The following METTL16 variants were observed in gnomAD, a reference collection of about 807,000 sequenced individuals.
The protein encoded by METTL16 is RNA N(6)-adenosine-methyltransferase METTL16.
Under a neutral mutation model 57.9 loss-of-function variants are expected in METTL16, and 19 were observed. The observed-to-expected ratio is 0.33, with a 90% CI of 0.23 to 0.48. METTL16 has a LOEUF of 0.48. METTL16 is among the 20% of genes least tolerant of loss of function. METTL16 has a pLI of 0.99. For synonymous variants in METTL16, 246 were observed against 255.6 expected, an observed-to-expected ratio of 0.96 and a Z score of 0.36; for missense variants, 434 against 691.5, an observed-to-expected ratio of 0.63 and a Z score of 4.18.
chr17:2,431,295 C>A (rs946715419), intron 8 of METTL16, among the ~76,000 whole-genome samples: 29 of 152,152 alleles, frequency 1.9e-4, no homozygotes, highest in African/African-American at 6.8e-4. Flanking sequence ...GTTGTGAAGG[C>A]AGGTTCATTC....
intron 2 of METTL16, among the ~76,000 whole-genome samples, chr17:2,494,458 T>C (rs1278521554): frequency 6.6e-6 from 1 of 152,234 alleles, no homozygotes; most frequent in African/African-American, 2.4e-5. Flanking sequence ...ATTTTTCTAA[T>C]AGCACGTGCC....
chr17:2,499,364 T>C (rs1418295386), intron 2 of METTL16, among the ~76,000 whole-genome samples: 1 of 150,022 alleles, frequency 6.7e-6, no homozygotes, highest in Non-Finnish European at 1.5e-5. Context: ...TTACAGGATT[T>C]CGCTATGTTG....
intron 8 of METTL16, among the ~76,000 whole-genome samples, chr17:2,430,412 C>CTTTTTTT (rs903960118): frequency 1.7e-5 from 2 of 118,496 alleles, no homozygotes; most frequent in African/African-American, 3.3e-5. Flanking sequence ...TTAGAATTCT[C>CTTTTTTT]TTTTTTTTTT....
chr17:2,415,994 A>C (rs1466705286), downstream of METTL16: 1 of 152,230 alleles, frequency 6.6e-6, no homozygotes, highest in East Asian at 1.9e-4. Context: ...GGACCATTAA[A>C]AAAACATTAA....
chr17:2,471,146 C>G (rs941212243), intron 4 of METTL16, among the ~76,000 whole-genome samples: 11 of 152,158 alleles, frequency 7.2e-5, no homozygotes, highest in African/African-American at 2.7e-4. Flanking sequence ...CAAAACAGAT[C>G]ACAGACCTAA....
chr17:2,449,959 G>A (rs1255656598), intron 6 of METTL16, among the ~76,000 whole-genome samples: 1 of 152,182 alleles, frequency 6.6e-6, no homozygotes, highest in South Asian at 2.1e-4. Context: ...CTACCCGTTA[G>A]AACAGATACA....
At chr17:2,468,923 GTGTGT>G (rs1567896714) in intron 4 of METTL16, among the ~76,000 whole-genome samples, 2 of 150,820 alleles carry the variant, frequency 1.3e-5, no homozygotes, top group Non-Finnish European at 3.0e-5. Context: ...TGTTGTGTGT[GTGTGT>G]TTTTTTTTTC....
rs760521188 is a variant in METTL16, at chr17:2,440,970, CAAAAAAAAA to C, written c.798+511_798+519del. Among the ~76,000 whole-genome samples, 9 of 34,056 alleles carry C rather than the reference CAAAAAAAAA, an allele frequency of 2.6e-4. No homozygotes were observed. The Admixed American group carries it at 2.7e-3, about 10-fold the overall frequency. The allele number at this position is 34,056 out of a possible 152,430, so 22.3% of individuals were successfully genotyped here. On this transcript the variant is annotated intron_variant, in intron 7 of 9. Transcript: ENST00000263092. ...CTGGGAACAGAGCTAGACTTGATCTCAAAAAAAAAAAAAAAAAAAAAAAAAAGAAGAAGA... is the reference window on the plus strand; with the variant it reads ...CTGGGAACAGAGCTAGACTTGATCTCAAAAAAAAAAAAAAAAAGAAGAAGA...
At chr17:2,448,817 A>T (rs1295357538) in intron 6 of METTL16, among the ~76,000 whole-genome samples, 27 of 144,230 alleles carry the variant, frequency 1.9e-4, no homozygotes, top group Non-Finnish European at 3.2e-4. Context: ...AAAAAAAAAA[A>T]AAAAAAAAAG....
chr17:2,473,342 T>C lies in METTL16; in HGVS notation c.469+182A>G, dbSNP rs184282952. Among the ~76,000 whole-genome samples the C allele has an allele frequency of 6.0e-4, 91 of 152,304 alleles. 1 individual carries two copies. Among genetic ancestry groups the C allele is most frequent in the African/African-American group, 1.9e-3 (79 of 41,574 alleles). ...AAAAAGAATCCACAAATCATAAGGATCAACTGTAGTTACTATTTTCTGAGT... is the reference window on the plus strand; with the variant it reads ...AAAAAGAATCCACAAATCATAAGGACCAACTGTAGTTACTATTTTCTGAGT... On this transcript the variant is annotated intron_variant, in intron 4 of 9. Transcript: ENST00000263092.
At chr17:2,508,429 T>C (rs2067564002) in intron 1 of METTL16, among the ~76,000 whole-genome samples, 2 of 152,152 alleles carry the variant, frequency 1.3e-5, no homozygotes, top group African/African-American at 4.8e-5. Flanking sequence ...AAACTGGTCC[T>C]TCTCATCTTC....
rs1438660456 is a variant in METTL16 at position 2,498,010 on chromosome 17, C to T, written c.128+4194G>A. On this transcript the variant is annotated intron_variant, in intron 2 of 9. Transcript: ENST00000263092. ...GAGATCGAGACCATCGTGGCTAACA[C>T]GGTGAAACCCCATCTCTACTAAAAA... Among the ~76,000 whole-genome samples, 12 of 151,574 alleles carry T rather than the reference C, an allele frequency of 7.9e-5. 1 individual carries two copies. Among genetic ancestry groups the T allele is most frequent in the African/African-American group, 2.2e-4 (9 of 40,998 alleles).
At position 2,473,509 on chromosome 17, in the gene METTL16, T is replaced by C. The variant is rs767705381; in HGVS notation, c.469+15A>G. On this transcript the variant is annotated intron_variant, in intron 4 of 9. Coordinates refer to ENST00000263092, the MANE Select transcript of METTL16 (RefSeq NM_024086.4). Reference sequence around the variant, plus strand: ...AAGACACAAAGTTTGGAGGCATTCATTCTGTGGCGCTAACCTTTTATGAGA... The same window carrying C: ...AAGACACAAAGTTTGGAGGCATTCACTCTGTGGCGCTAACCTTTTATGAGA... 1.1e-4 allele frequency: 184 copies of C among 1,603,458 alleles called. No individual in the cohort carries two copies. The highest frequency in any genetic ancestry group is 1.5e-4 in the Non-Finnish European group (180 of 1,175,620).
At position 2,502,192 on chromosome 17, in the gene METTL16, T is replaced by A. The variant is rs755249962; in HGVS notation, c.128+12A>T. ...ACACAAGAATAACAGTGATTTTTCA[T>A]CCGTTACCTACCTCACTCTTCCATT... On this transcript the variant is annotated intron_variant, in intron 2 of 9. Coordinates refer to ENST00000263092, the MANE Select transcript of METTL16 (RefSeq NM_024086.4). 3 of 1,611,946 alleles carry A rather than the reference T, an allele frequency of 1.9e-6. No homozygotes were observed. The African/African-American group carries it at 4.0e-5, about 22-fold the overall frequency.
chr17:2,452,103 C>T (rs1019984423), intron 6 of METTL16, among the ~76,000 whole-genome samples: 7 of 148,950 alleles, frequency 4.7e-5, no homozygotes, highest in African/African-American at 1.2e-4. Flanking sequence ...CACCACTGCA[C>T]CCCAGCCTGG....
intron 6 of METTL16, among the ~76,000 whole-genome samples, chr17:2,445,440 A>AC (rs1478587226): frequency 1.3e-5 from 2 of 152,114 alleles, no homozygotes; most frequent in African/African-American, 4.8e-5. Flanking sequence ...ATCACCTTGT[A>AC]CCCCCCAAAA....
chr17:2,447,354 G>C (rs1436649130), intron 6 of METTL16, among the ~76,000 whole-genome samples: 1 of 135,664 alleles, frequency 7.4e-6, no homozygotes, highest in African/African-American at 3.4e-5. Flanking sequence ...CAACCGCCCC[G>C]TCTGAGAAGT....
At chr17:2,486,276 C>CTT (rs899320056) in intron 2 of METTL16, among the ~76,000 whole-genome samples, 5 of 145,450 alleles carry the variant, frequency 3.4e-5, no homozygotes, top group Non-Finnish European at 4.6e-5. Flanking sequence ...GGATACTACT[C>CTT]TTTTTTTTTT....
Position 2,420,738 on chromosome 17 carries a change from T to A in METTL16, c.1055A>T (p.Asp352Val). The change falls in exon 9 of 10, where the codon GAT becomes GTT. Residue 352 changes from aspartate (D) to valine (V), a missense_variant. Transcript: ENST00000263092. This position sits in a 1 kb window ranked among gnomAD's most constrained non-coding sequence, Gnocchi z 5.4. The part of the protein sequence containing the change: ...VTTWIEKILT[D>V]LKVQHKRVPC... ...ATATGGTTAAGCAGGTACCTTCAAA[T>A]CAGTGAGAATTTTTTCAATCCATGT... The A allele has an allele frequency of 6.2e-7, 1 of 1,613,124 alleles. No individual in the cohort carries two copies. The highest frequency in any genetic ancestry group is 8.5e-7 in the Non-Finnish European group (1 of 1,179,652).
Sources: allele counts gnomAD v4.1 joint callset (sites outside exome capture counted in the v4.1 genomes callset), GRCh38; gene constraint gnomAD v4.1.1; non-coding constraint Gnocchi (gnomAD v3.1); transcripts MANE v1.5; gene names NCBI Gene and HGNC (gene_info 2026-07-23, HGNC 2026-07-21).